The following NCALD variants were observed in gnomAD, a reference collection of about 807,000 sequenced individuals.
NCALD encodes neurocalcin delta.
Under a neutral mutation model 18.6 loss-of-function variants are expected in NCALD, and 10 were observed. The observed-to-expected ratio is 0.54, with a 90% CI of 0.33 to 0.91. The LOEUF (loss-of-function observed/expected upper bound fraction) is 0.91. Among genes scored for constraint, NCALD ranks in the 40% least tolerant of loss-of-function variants. The pLI, the probability that NCALD is intolerant of heterozygous loss-of-function variation, is 0.03. For synonymous variants in NCALD, 88 were observed against 87.4 expected, an observed-to-expected ratio of 1.01 and a Z score of -0.04; for missense variants, 184 against 247.6, an observed-to-expected ratio of 0.74 and a Z score of 1.72.
At chr8:101,804,337 A>AATTATATATTATATATAATTATATC (rs1812984880) in intron 4 of NCALD, among the ~76,000 whole-genome samples, 1 of 35,342 alleles carries the variant, frequency 2.8e-5, no homozygotes, top group Non-Finnish European at 1.7e-4. Flanking sequence ...TAATTATATC[A>AATTATATATTATATATAATTATATC]ATTATATATT....
chr8:101,839,093 G>T (rs774705994), intron 4 of NCALD, among the ~76,000 whole-genome samples: 25 of 152,108 alleles, frequency 1.6e-4, no homozygotes, highest in Non-Finnish European at 3.1e-4. Flanking sequence ...AACCCACCTG[G>T]GTACTCATGA....
intron 1 of NCALD, among the ~76,000 whole-genome samples, chr8:102,085,478 G>C (rs1342328483): frequency 6.6e-6 from 1 of 152,176 alleles, no homozygotes; most frequent in Non-Finnish European, 1.5e-5. Context: ...GTGCTGGCTA[G>C]GCATGGTGGC....
At chr8:101,865,525 A>G (rs576229922) in intron 4 of NCALD, among the ~76,000 whole-genome samples, 2 of 152,170 alleles carry the variant, frequency 1.3e-5, no homozygotes, top group East Asian at 3.9e-4. Flanking sequence ...GAACACTTAC[A>G]TGGTCCCAGT....
intron 2 of NCALD, among the ~76,000 whole-genome samples, chr8:102,006,417 C>G (rs1821714405): frequency 6.6e-6 from 1 of 152,150 alleles, no homozygotes; most frequent in South Asian, 2.1e-4. Context: ...CAGGCTATCT[C>G]TTCTGCATTC....
chr8:101,709,254 C>T (rs777949967), intron 2 of NCALD, among the ~76,000 whole-genome samples: 6 of 152,264 alleles, frequency 3.9e-5, no homozygotes, highest in Non-Finnish European at 5.9e-5. Context: ...GTACACCCTA[C>T]GGAGAGGATA....
At chr8:101,804,652 TATA>T (rs1299039131) in intron 4 of NCALD, among the ~76,000 whole-genome samples, 1 of 126,346 alleles carries the variant, frequency 7.9e-6, no homozygotes, top group Admixed American at 8.7e-5. Context: ...TATATATTAG[TATA>T]ATATAATTAT....
intron 3 of NCALD, among the ~76,000 whole-genome samples, chr8:101,905,774 T>A (rs62518470): frequency 0.097 from 14,730 of 152,236 alleles, 748 homozygotes; most frequent in East Asian, 0.18. Context: ...TCCAATTCTT[T>A]CCCTGTGGTC....
intron 1 of NCALD, among the ~76,000 whole-genome samples, chr8:101,742,406 G>A (rs1810242813): frequency 6.6e-6 from 1 of 152,094 alleles, no homozygotes; most frequent in Non-Finnish European, 1.5e-5. Context: ...TGTATAAAAT[G>A]ATACAGAGCA....
At chr8:101,970,527 G>T (rs779382752) in intron 2 of NCALD, among the ~76,000 whole-genome samples, 11 of 152,044 alleles carry the variant, frequency 7.2e-5, no homozygotes, top group Non-Finnish European at 1.3e-4. Context: ...AAATTGTTTT[G>T]GTTGTACAGG....
At chr8:101,803,834 A>G (rs917132783) in intron 4 of NCALD, among the ~76,000 whole-genome samples, 2 of 152,238 alleles carry the variant, frequency 1.3e-5, no homozygotes, top group African/African-American at 4.8e-5. Context: ...AAAGATTCAG[A>G]ATATTACATA....
intron 1 of NCALD, among the ~76,000 whole-genome samples, chr8:102,123,537 T>C (rs1826007484): frequency 2.0e-5 from 3 of 151,590 alleles, no homozygotes. Context: ...ACAACCCACT[T>C]TGCACATCCT....
intron 1 of NCALD, among the ~76,000 whole-genome samples, chr8:102,107,217 T>C (rs1046657545): frequency 1.7e-4 from 21 of 126,522 alleles, no homozygotes; most frequent in African/African-American, 6.7e-4. Flanking sequence ...TATATATATA[T>C]ATATATATAT....
At chr8:102,086,991 C>T (rs1824759067) in intron 1 of NCALD, among the ~76,000 whole-genome samples, 1 of 152,214 alleles carries the variant, frequency 6.6e-6, no homozygotes, top group Non-Finnish European at 1.5e-5. Flanking sequence ...CCTATATGGT[C>T]TACAAAGGGG....
chr8:101,922,192 C>A (rs1427552183), intron 2 of NCALD, among the ~76,000 whole-genome samples: 3 of 148,686 alleles, frequency 2.0e-5, no homozygotes, highest in African/African-American at 7.6e-5. Context: ...GATGATGCTT[C>A]ATGAAAAAAA....
intron 3 of NCALD, among the ~76,000 whole-genome samples, chr8:101,913,024 A>G: frequency 6.6e-6 from 1 of 152,184 alleles, no homozygotes; most frequent in East Asian, 1.9e-4. Context: ...CCTCAGTCCT[A>G]CAATCTCAGC....
At chr8:102,015,216 T>C (rs1222632867) in intron 2 of NCALD, among the ~76,000 whole-genome samples, 1 of 152,164 alleles carries the variant, frequency 6.6e-6, no homozygotes, top group Non-Finnish European at 1.5e-5. Flanking sequence ...TTTTCATTTT[T>C]CTCTCTTTCT....
In NCALD at chr8:101,866,279, C is replaced by A. The variant is rs187555189; in HGVS notation, c.-20+20862G>T. 1.4e-4 allele frequency among the ~76,000 whole-genome samples: 22 copies of A among 152,326 alleles called. No individual in the cohort carries two copies. In the East Asian group the frequency reaches 2.9e-3, roughly 20 times the overall value. ...TCTCATTTTCCTTTGCTGGTTCCCC[C>A]TCATCCTCCTGATCTCTACATTGGA... On this transcript the variant is annotated intron_variant, in intron 4 of 6. Coordinates refer to the NCALD transcript ENST00000311028.
intron 2 of NCALD, among the ~76,000 whole-genome samples, chr8:101,708,962 T>A (rs548286209): frequency 1.3e-5 from 2 of 152,186 alleles, no homozygotes; most frequent in African/African-American, 2.4e-5. Context: ...ATCTGCTTTG[T>A]CCAAGATGGC....
At chr8:102,108,178 G>T (rs1825533218) in intron 1 of NCALD, among the ~76,000 whole-genome samples, 1 of 152,186 alleles carries the variant, frequency 6.6e-6, no homozygotes, top group Non-Finnish European at 1.5e-5. Flanking sequence ...TTTCCACTGT[G>T]GGTTGCTAAG....
Sources: gnomAD v4.1 joint callset for allele counts (sites outside exome capture counted in the v4.1 genomes callset) on GRCh38, gnomAD v4.1.1 for gene constraint, MANE v1.5 for transcripts, NCBI Gene and HGNC (gene_info 2026-07-23, HGNC 2026-07-21) for gene names.